PTPRD: variants seen among roughly 807,000 people sequenced by gnomAD.
PTPRD encodes receptor-type tyrosine-protein phosphatase delta.
Under a neutral mutation model 214.5 loss-of-function variants are expected in PTPRD, and 34 were observed. The observed-to-expected ratio is 0.16, with a 90% CI of 0.12 to 0.21. The LOEUF is 0.21. PTPRD is among the 10% of genes least tolerant of loss of function. PTPRD has a pLI of 1.00. For missense variants in PTPRD, 2,545 were observed against 2,398.7 expected (o/e 1.06, Z -1.27); for synonymous variants, 1,128 against 845.7 (o/e 1.33, Z -5.79).
At chr9:8,553,665 C>T (rs565231241) in intron 14 of PTPRD, among the ~76,000 whole-genome samples, 9 of 152,292 alleles carry the variant, frequency 5.9e-5, no homozygotes, top group Admixed American at 2.0e-4. Context: ...CTCATCGCTT[C>T]TCAGCCTTTT....
In PTPRD at chr9:8,497,256, C is replaced by A; in HGVS notation, c.2335G>T (p.Asp779Tyr). 6.3e-7 allele frequency: 1 copy of A among 1,594,202 alleles called. No homozygotes were observed. Among genetic ancestry groups the A allele is most frequent in the South Asian group, 1.2e-5 (1 of 86,152 alleles). The change falls in exon 26 of 46, where the codon GAT becomes TAT. Residue 779 changes from aspartate to tyrosine, a missense_variant. Asp to Tyr is a radical substitution (Grantham distance 160). Coordinates refer to ENST00000381196, the MANE Select transcript of PTPRD (RefSeq NM_002839.4). ...AAATTACTCACATGTTCAGTAGTATCATCAAATTCCCACTGATTGAGAATA... is the reference window on the plus strand; with the variant it reads ...AAATTACTCACATGTTCAGTAGTATAATCAAATTCCCACTGATTGAGAATA... ...MLADAQWEFD[D>Y]TTEHDMIISG...
At chr9:8,483,734 G>A (rs1449761612) in intron 30 of PTPRD, among the ~76,000 whole-genome samples, 3 of 152,222 alleles carry the variant, frequency 2.0e-5, no homozygotes, top group Non-Finnish European at 2.9e-5. Flanking sequence ...AGCCGAGATC[G>A]CGCCACTGCA....
At chr9:8,573,841 G>A (rs2091791717) in intron 14 of PTPRD, among the ~76,000 whole-genome samples, 1 of 151,760 alleles carries the variant, frequency 6.6e-6, no homozygotes, top group Non-Finnish European at 1.5e-5. Context: ...ACATAAATGA[G>A]GTTAATATTT....
At position 9,804,671 on chromosome 9, in the gene PTPRD, G is replaced by A. The variant is rs545031761; in HGVS notation, c.-367-37820C>T. On this transcript the variant is annotated intron_variant, in intron 5 of 45. Coordinates refer to ENST00000381196, the MANE Select transcript of PTPRD (RefSeq NM_002839.4). ...GGAGAAAGCATATTATGAAACTCAT[G>A]AACATAAAGGCATTTAATCTAAACA... 3.3e-5 allele frequency among the ~76,000 whole-genome samples: 5 copies of A among 152,032 alleles called. No homozygotes were observed. In the South Asian group the frequency reaches 1.0e-3, roughly 32 times the overall value.
intron 12 of PTPRD, among the ~76,000 whole-genome samples, chr9:8,730,114 G>A (rs1052062566): frequency 2.0e-5 from 3 of 152,106 alleles, no homozygotes; most frequent in African/African-American, 4.8e-5. Flanking sequence ...AAATTAGCCG[G>A]GCGAGGTGGC....
At chr9:9,781,775 A>T (rs2098844741) in intron 5 of PTPRD, among the ~76,000 whole-genome samples, 1 of 150,826 alleles carries the variant, frequency 6.6e-6, no homozygotes, top group South Asian at 2.1e-4. Flanking sequence ...TCTTTTGACT[A>T]ACATTTTTTG....
At chr9:8,806,019 A>G (rs1419398540) in intron 11 of PTPRD, among the ~76,000 whole-genome samples, 2 of 150,516 alleles carry the variant, frequency 1.3e-5, no homozygotes, top group African/African-American at 4.9e-5. Flanking sequence ...AAAAGAAAGA[A>G]AAAAAGAAAT....
At chr9:9,955,726 T>C (rs930433943) in intron 4 of PTPRD, among the ~76,000 whole-genome samples, 4 of 152,094 alleles carry the variant, frequency 2.6e-5, no homozygotes, top group African/African-American at 9.7e-5. Context: ...GGTTTCACCG[T>C]GTTAGCCAGG....
chr9:8,462,780 A>C (rs1591189776), intron 32 of PTPRD, among the ~76,000 whole-genome samples: 1 of 151,990 alleles, frequency 6.6e-6, no homozygotes, highest in Non-Finnish European at 1.5e-5. Context: ...AACACAGCTA[A>C]ATTTTTATTT....
At chr9:9,919,951 T>A (rs573790359) in intron 5 of PTPRD, among the ~76,000 whole-genome samples, 10 of 152,292 alleles carry the variant, frequency 6.6e-5, no homozygotes, top group African/African-American at 2.2e-4. Flanking sequence ...GTAACACCTA[T>A]ACGCTTTTCT....
At chr9:8,544,993 A>T (rs2079621567) in intron 14 of PTPRD, among the ~76,000 whole-genome samples, 2 of 150,816 alleles carry the variant, frequency 1.3e-5, no homozygotes, top group African/African-American at 4.9e-5. Context: ...CCAGGGTTTC[A>T]GAACAAAACT....
chr9:9,148,017 A>G (rs1220411812), intron 10 of PTPRD, among the ~76,000 whole-genome samples: 1 of 152,226 alleles, frequency 6.6e-6, no homozygotes, highest in Non-Finnish European at 1.5e-5. Flanking sequence ...TAGGAATGCA[A>G]TAAGCAAAAA....
chr9:9,177,705 T>G (rs975936176), intron 10 of PTPRD, among the ~76,000 whole-genome samples: 1 of 152,128 alleles, frequency 6.6e-6, no homozygotes, highest in African/African-American at 2.4e-5. Context: ...CAATCTTGAC[T>G]TGAAAATGAT....
At chr9:8,933,165 A>G (rs1588317691) in intron 11 of PTPRD, among the ~76,000 whole-genome samples, 1 of 151,712 alleles carries the variant, frequency 6.6e-6, no homozygotes, top group South Asian at 2.1e-4. Context: ...GTGACGCCCC[A>G]CCCTGCTTCT....
At chr9:8,473,809 A>G (rs1178302908) in intron 30 of PTPRD, among the ~76,000 whole-genome samples, 2 of 152,080 alleles carry the variant, frequency 1.3e-5, no homozygotes, top group Non-Finnish European at 2.9e-5. Context: ...GATATCCACA[A>G]CCTTTTTTCT....
chr9:8,961,490 C>T (rs1403762450), intron 11 of PTPRD, among the ~76,000 whole-genome samples: 1 of 152,066 alleles, frequency 6.6e-6, no homozygotes, highest in African/African-American at 2.4e-5. Flanking sequence ...CTTGCACCCG[C>T]AAATATCACT....
chr9:8,809,498 C>T (rs1455300289), intron 11 of PTPRD, among the ~76,000 whole-genome samples: 1 of 152,138 alleles, frequency 6.6e-6, no homozygotes, highest in Non-Finnish European at 1.5e-5. Flanking sequence ...GTCTGCTTTC[C>T]ATTTACACCT....
At chr9:8,652,210 T>C (rs1048367592) in intron 12 of PTPRD, among the ~76,000 whole-genome samples, 1 of 152,234 alleles carries the variant, frequency 6.6e-6, no homozygotes, top group Non-Finnish European at 1.5e-5. Context: ...TATTTACCAA[T>C]ATAGAATGCA....
At chr9:9,851,271 T>C (rs879677394) in intron 5 of PTPRD, among the ~76,000 whole-genome samples, 4 of 152,340 alleles carry the variant, frequency 2.6e-5, no homozygotes, top group Middle Eastern at 3.4e-3. Flanking sequence ...TGAGGGTTAA[T>C]GCAGTATCGT....
Sources: gnomAD v4.1 joint callset for allele counts (sites outside exome capture counted in the v4.1 genomes callset) on GRCh38, gnomAD v4.1.1 for gene constraint, MANE v1.5 for transcripts, NCBI Gene and HGNC (gene_info 2026-07-23, HGNC 2026-07-21) for gene names.